DIS3L2: variants seen among roughly 807,000 people sequenced by gnomAD.
DIS3L2 encodes DIS3 like 3'-5' exoribonuclease 2.
Under a neutral mutation model 97.5 loss-of-function variants are expected in DIS3L2, and 34 were observed. The ratio of observed to expected loss-of-function variants is 0.35; its 90% CI spans 0.27 to 0.46. The LOEUF is 0.46. Ranked by LOEUF, DIS3L2 falls within the 20% of genes least tolerant of loss-of-function variation. DIS3L2 has a pLI of 1.00. For missense variants in DIS3L2, 1,038 were observed against 1,146.0 expected (o/e 0.91, Z 1.36); for synonymous variants, 435 against 445.2 (o/e 0.98, Z 0.29).
chr2:232,104,134 A>T (rs1356346316), intron 6 of DIS3L2, among the ~76,000 whole-genome samples: 1 of 152,146 alleles, frequency 6.6e-6, no homozygotes, highest in African/African-American at 2.4e-5. Context: ...GATATGGTAA[A>T]TGTGAGATGG....
chr2:232,312,641 A>G (rs1367079293), intron 14 of DIS3L2, among the ~76,000 whole-genome samples: 1 of 152,216 alleles, frequency 6.6e-6, no homozygotes, highest in Non-Finnish European at 1.5e-5. Context: ...CATGCACACA[A>G]ACTTGCTAGG....
In DIS3L2 at chr2:232,269,940, A is replaced by AACCTGAGGTAGGG. The variant is rs1408722670; in HGVS notation, c.1659+6504_1659+6516dup. On this transcript the variant is annotated intron_variant, in intron 13 of 20. Transcript: ENST00000325385. This position sits in a 1 kb window ranked among gnomAD's most constrained non-coding sequence, Gnocchi z 4.5. Reference sequence around the variant, plus strand: ...TCCAAGAGAGAAATGATGAGGGCCTAACCTGAGGTAGGGACCGTGGGGTGA... The same window carrying AACCTGAGGTAGGG: ...TCCAAGAGAGAAATGATGAGGGCCTAACCTGAGGTAGGGACCTGAGGTAGGGACCGTGGGGTGA... Among the ~76,000 whole-genome samples the AACCTGAGGTAGGG allele has an allele frequency of 6.6e-6, 1 of 152,228 alleles. No individual in the cohort carries two copies. Among genetic ancestry groups the AACCTGAGGTAGGG allele is most frequent in the Non-Finnish European group, 1.5e-5 (1 of 68,036 alleles).
intron 14 of DIS3L2, 28 bp from the exon 15 acceptor site, chr2:232,329,785 T>TGCCCGGGGGCCCCCC: frequency 8.3e-6 from 8 of 967,136 alleles, no homozygotes; most frequent in East Asian, 3.1e-5. Flanking sequence ...ACCCCAGCGG[T>TGCCCGGGGGCCCCCC]CCCTCCCATC....
intron 1 of DIS3L2, among the ~76,000 whole-genome samples, chr2:231,995,608 T>C (rs1310306598): frequency 7.2e-5 from 11 of 152,210 alleles, no homozygotes; most frequent in Non-Finnish European, 2.9e-5. Flanking sequence ...TAAACCACTC[T>C]TGATACTAAC....
intron 6 of DIS3L2, among the ~76,000 whole-genome samples, chr2:232,116,972 T>G (rs1697741143): frequency 6.6e-6 from 1 of 152,204 alleles, no homozygotes; most frequent in Non-Finnish European, 1.5e-5. Context: ...AAAGTTCAGC[T>G]GCACTGTGAA....
chr2:232,271,011 A>G (rs867472254), intron 13 of DIS3L2, among the ~76,000 whole-genome samples: 1 of 151,238 alleles, frequency 6.6e-6, no homozygotes, highest in South Asian at 2.1e-4. Flanking sequence ...TTCATCTTTC[A>G]TATTTTATTT....
At chr2:232,333,761 GGC>G in intron 16 of DIS3L2, 77 bp from the exon 17 acceptor site, 205 of 1,443,110 alleles carry the variant, frequency 1.4e-4, no homozygotes, top group Admixed American at 8.6e-4. Context: ...CCGACGGTGA[GGC>G]TGTGGGTGGT....
At chr2:231,991,470 A>G (rs1176360002) in intron 1 of DIS3L2, among the ~76,000 whole-genome samples, 3 of 151,906 alleles carry the variant, frequency 2.0e-5, no homozygotes, top group African/African-American at 7.3e-5. Flanking sequence ...AAGTTGGGCT[A>G]TGTTGCCCAG....
At chr2:231,978,618 CT>C (rs1693162496) in intron 1 of DIS3L2, 5 of 152,224 alleles carry the variant, frequency 3.3e-5, no homozygotes, top group Non-Finnish European at 5.9e-5. Context: ...AACCAGTCTC[CT>C]TTAAGGCATT....
rs1458759281 is a variant in DIS3L2 at position 232,287,401 on chromosome 2, C to G, written c.1660-12639C>G. On this transcript the variant is annotated intron_variant, in intron 13 of 20. Transcript: ENST00000325385. The stretch of plus-strand genomic sequence containing the variant: ...CCTTCCCCCCGCGCCCCCCCCCCCC[C>G]CCGCTTTTATTACATAGAGACAGGG... 3.5e-5 allele frequency among the ~76,000 whole-genome samples: 3 copies of G among 86,246 alleles called. 1 individual carries two copies. Among genetic ancestry groups the G allele is most frequent in the Non-Finnish European group, 2.3e-5 (1 of 42,772 alleles). The allele number at this position is 86,246 out of a possible 152,430, so 56.6% of individuals were successfully genotyped here. A position where few individuals can be genotyped will look rare whatever the true frequency, so the allele number is the denominator to read the frequency against.
chr2:232,331,407 G>A (rs551035313), intron 16 of DIS3L2, among the ~76,000 whole-genome samples: 177 of 152,334 alleles, frequency 1.2e-3, no homozygotes, highest in African/African-American at 4.3e-3. Context: ...CCGGCCCAGG[G>A]GCAGAGACAG....
At chr2:232,027,348 G>A (rs986769022) in intron 4 of DIS3L2, among the ~76,000 whole-genome samples, 3 of 152,136 alleles carry the variant, frequency 2.0e-5, no homozygotes, top group Non-Finnish European at 4.4e-5. Flanking sequence ...CTGGGAAGTA[G>A]AATGTCAGAA....
chr2:232,334,557 C>G (rs1695880052), intron 18 of DIS3L2, 58 bp downstream of exon 18: 1 of 1,607,088 alleles, frequency 6.2e-7, no homozygotes, highest in Non-Finnish European at 8.5e-7. Flanking sequence ...CTCCTGGGCA[C>G]CTGCTCACCA....
chr2:232,128,383 A>G (rs760517445), intron 6 of DIS3L2, among the ~76,000 whole-genome samples: 1 of 152,034 alleles, frequency 6.6e-6, no homozygotes, highest in Non-Finnish European at 1.5e-5. Flanking sequence ...CACATGGAAT[A>G]AATGAATAAT....
rs984966074 is a variant in DIS3L2, at chr2:232,224,153, G to A, written c.1204+13748G>A. Among the ~76,000 whole-genome samples, 4 of 152,222 alleles carry A rather than the reference G, an allele frequency of 2.6e-5. No individual in the cohort carries two copies. In the South Asian group the frequency reaches 6.2e-4, roughly 24 times the overall value. On this transcript the variant is annotated intron_variant, in intron 10 of 20. Coordinates refer to ENST00000325385, the MANE Select transcript of DIS3L2 (RefSeq NM_152383.5). Reference sequence around the variant, plus strand: ...ATAAATGTTCAGCTGCTGCTCAGAAGTCAAGGTAAGACTAGAATAGAGAAT... The same window carrying A: ...ATAAATGTTCAGCTGCTGCTCAGAAATCAAGGTAAGACTAGAATAGAGAAT...
In DIS3L2 at chr2:232,325,060, C is replaced by G. The variant is rs1013952135; in HGVS notation, c.1740-4753C>G. Among the ~76,000 whole-genome samples, 1 of 152,212 alleles carries G rather than the reference C, an allele frequency of 6.6e-6. No individual in the cohort carries two copies. Among genetic ancestry groups the G allele is most frequent in the African/African-American group, 2.4e-5 (1 of 41,472 alleles). On this transcript the variant is annotated intron_variant, in intron 14 of 20. Transcript: ENST00000325385. This position sits in a 1 kb window ranked among gnomAD's most constrained non-coding sequence, Gnocchi z 4.6. ...AGAGAAATACTCAGATCCAGTTCCTCGATGGTCAGGGAAGGCAGGCTTCCT... is the reference window on the plus strand; with the variant it reads ...AGAGAAATACTCAGATCCAGTTCCTGGATGGTCAGGGAAGGCAGGCTTCCT...
intron 8 of DIS3L2, among the ~76,000 whole-genome samples, chr2:232,138,881 A>T (rs1698432864): frequency 6.6e-6 from 1 of 152,168 alleles, no homozygotes; most frequent in South Asian, 2.1e-4. Flanking sequence ...AATTGCTTCT[A>T]ATTATTCAAG....
intron 9 of DIS3L2, among the ~76,000 whole-genome samples, chr2:232,169,934 C>T (rs746487923): frequency 4.6e-5 from 7 of 152,150 alleles, no homozygotes; most frequent in East Asian, 1.9e-4. Flanking sequence ...GAAAAATGGT[C>T]GGTTAGCAAT....
At chr2:232,010,404 A>T (rs1418173408) in intron 1 of DIS3L2, among the ~76,000 whole-genome samples, 2 of 152,040 alleles carry the variant, frequency 1.3e-5, no homozygotes, top group Non-Finnish European at 2.9e-5. Flanking sequence ...TATTTTTTTA[A>T]AATGGTATTA....
Sources: gnomAD v4.1 joint callset for allele counts (sites outside exome capture counted in the v4.1 genomes callset) on GRCh38, gnomAD v4.1.1 for gene constraint, Gnocchi (gnomAD v3.1) non-coding constraint, MANE v1.5 for transcripts, NCBI Gene and HGNC (gene_info 2026-07-23, HGNC 2026-07-21) for gene names.